CDH19: variants seen among roughly 807,000 people sequenced by gnomAD.
The protein encoded by CDH19 is cadherin-19.
CDH19 carries 67 observed loss-of-function variants against 64.2 expected under a neutral mutation model. That is an observed-to-expected ratio of 1.04 (90% CI 0.86 to 1.28). The LOEUF is 1.28. Ranked by LOEUF, CDH19 falls within the 50% of genes most tolerant of loss-of-function variation. The pLI, the probability that CDH19 is intolerant of heterozygous loss-of-function variation, is 0.00. For missense variants in CDH19, 1,030 were observed against 929.0 expected (o/e 1.11, Z -1.41); for synonymous variants, 346 against 319.3 (o/e 1.08, Z -0.89).
At position 66,539,519 on chromosome 18, in the gene CDH19, A is replaced by G. The variant is rs115813828; in HGVS notation, c.1215-4412T>C. 6.8e-3 allele frequency among the ~76,000 whole-genome samples: 1,038 copies of G among 152,168 alleles called. 11 individuals are homozygous for G. The highest frequency in any genetic ancestry group is 0.024 in the African/African-American group (983 of 41,546). On this transcript the variant is annotated intron_variant, in intron 7 of 11. Coordinates refer to ENST00000262150, the MANE Select transcript of CDH19 (RefSeq NM_021153.4). ...ATTGTCAAATGTTTTTTCTTTGTCT[A>G]TTGAGATGTTATATGGCTTTTCTTT...
At chr18:66,581,521 G>A (rs987359162) in intron 1 of CDH19, among the ~76,000 whole-genome samples, 1 of 152,104 alleles carries the variant, frequency 6.6e-6, no homozygotes, top group Admixed American at 6.6e-5. Context: ...TCCAGTCACA[G>A]CTGCCAGCAT....
rs1987447538 is a variant in CDH19, at chr18:66,554,477, T to C, written c.538A>G (p.Ser180Gly). Reference sequence around the variant, plus strand: ...TAGAGGAGACGAGCATTATTACCACTTGAGGGATCGTCAGCATCACTTGCT... The same window carrying C: ...TAGAGGAGACGAGCATTATTACCACCTGAGGGATCGTCAGCATCACTTGCT... Reference protein sequence around the residue: ...VTASDADDPSSGNNARLLYSL... With the variant: ...VTASDADDPSGGNNARLLYSL... Residue 180 changes from serine (S) to glycine (G), a missense_variant, in exon 4 of 12, where the codon AGT (serine) becomes GGT (glycine). By Grantham distance (56) the Ser-to-Gly change is moderately conservative. Transcript: ENST00000262150. 1 of 1,610,898 alleles carries C rather than the reference T, an allele frequency of 6.2e-7. No homozygotes were observed. Among genetic ancestry groups the C allele is most frequent in the African/African-American group, 1.3e-5 (1 of 74,860 alleles).
At position 66,524,564 on chromosome 18, in the gene CDH19, A is replaced by ATG; in HGVS notation, c.1458+5280_1458+5281insCA. On this transcript the variant is annotated intron_variant, in intron 9 of 11. Coordinates refer to ENST00000262150, the MANE Select transcript of CDH19 (RefSeq NM_021153.4). ...TGTGTATATATATATATATATATAT[A>ATG]TATATAAACATCATCATGCACCATA... 2.1e-5 allele frequency among the ~76,000 whole-genome samples: 3 copies of ATG among 142,946 alleles called. No individual in the cohort carries two copies. The South Asian group carries it at 7.0e-4, about 33-fold the overall frequency. The allele number at this position is 142,946 out of a possible 152,430, so 93.8% of individuals were successfully genotyped here. A position where few individuals can be genotyped will look rare whatever the true frequency, so the allele number is the denominator to read the frequency against.
intron 8 of CDH19, among the ~76,000 whole-genome samples, chr18:66,533,071 T>C (rs1018577559): frequency 7.9e-5 from 12 of 152,082 alleles, no homozygotes; most frequent in African/African-American, 2.7e-4. Flanking sequence ...AAAATTTTTC[T>C]CTCTGTTCTA....
At chr18:66,542,904 C>T (rs937770154) in intron 7 of CDH19, among the ~76,000 whole-genome samples, 1 of 152,176 alleles carries the variant, frequency 6.6e-6, no homozygotes, top group African/African-American at 2.4e-5. Flanking sequence ...TTCACCCCCC[C>T]GACCTTGGAA....
Position 66,572,073 on chromosome 18 carries a change from GCCACGC to G in CDH19, c.126_131del (p.Lys42_Gly44delinsAsn). ...GTACAAAAAATTGGTTCCACACCCA[GCCACGC>G]TTCACTCTCAAATGAGATCGCACTG... On this transcript the variant is annotated inframe_deletion, in exon 2 of 12. Transcript: ENST00000262150. 6.2e-7 allele frequency: 1 copy of G among 1,611,498 alleles called. No individual in the cohort carries two copies.
chr18:66,572,070 C>A lies in CDH19; in HGVS notation c.135G>T (p.Trp45Cys), dbSNP rs751534502. 6 of 1,611,286 alleles carry A rather than the reference C, an allele frequency of 3.7e-6. No homozygotes were observed. Among genetic ancestry groups the A allele is most frequent in the South Asian group, 1.1e-5 (1 of 90,958 alleles). ...CTGGTACAAAAAATTGGTTCCACAC[C>A]CAGCCACGCTTCACTCTCAAATGAG... ...VRSHLRVKRG[W>C]VWNQFFVPEE... is the part of the protein sequence containing the mutation. The change falls in exon 2 of 12, where the codon TGG becomes TGT. Residue 45 changes from tryptophan to cysteine, a missense_variant. By Grantham distance (215) the Trp-to-Cys change is radical (BLOSUM62 -2). Transcript: ENST00000262150.
chr18:66,561,859 G>C (rs1235657338), intron 3 of CDH19, among the ~76,000 whole-genome samples: 2 of 151,946 alleles, frequency 1.3e-5, no homozygotes, highest in African/African-American at 2.4e-5. Flanking sequence ...ATTATTGTGT[G>C]GACAGTTGAC....
chr18:66,509,271 A>G, intron 10 of CDH19, 25 bp from the exon 11 acceptor site: 1 of 1,606,214 alleles, frequency 6.2e-7, no homozygotes. Context: ...CATGTGCATA[A>G]TTTTTTCAAC....
intron 1 of CDH19, among the ~76,000 whole-genome samples, chr18:66,600,668 G>C (rs1442041066): frequency 6.6e-6 from 1 of 151,770 alleles, no homozygotes; most frequent in Non-Finnish European, 1.5e-5. Flanking sequence ...ACATGGTCTT[G>C]AAATTATCAA....
intron 10 of CDH19, among the ~76,000 whole-genome samples, chr18:66,510,104 A>G (rs1456729290): frequency 6.6e-6 from 1 of 151,716 alleles, no homozygotes; most frequent in African/African-American, 2.4e-5. Flanking sequence ...CTTTTTTACC[A>G]TCCCTCAAAA....
chr18:66,526,862 AT>A (rs1309356250), intron 9 of CDH19, among the ~76,000 whole-genome samples: 1 of 152,006 alleles, frequency 6.6e-6, no homozygotes, highest in Admixed American at 6.5e-5. Context: ...TGCTCAAAGT[AT>A]TACATCAACT....
chr18:66,521,321 G>A (rs1368398547), intron 9 of CDH19, among the ~76,000 whole-genome samples: 1 of 151,978 alleles, frequency 6.6e-6, no homozygotes, highest in Admixed American at 6.6e-5. Context: ...CAGAGTGCTT[G>A]GAAATTTCTT....
intron 1 of CDH19, among the ~76,000 whole-genome samples, chr18:66,572,645 T>A (rs1324681450): frequency 6.6e-6 from 1 of 151,652 alleles, no homozygotes; most frequent in African/African-American, 2.4e-5. Context: ...CTTTCTCCAT[T>A]CTTTCTCAGT....
At chr18:66,527,732 C>A (rs989859136) in intron 9 of CDH19, among the ~76,000 whole-genome samples, 22 of 149,656 alleles carry the variant, frequency 1.5e-4, no homozygotes, top group Non-Finnish European at 2.5e-4. Flanking sequence ...CCAGCCTGGG[C>A]AACGAGAGCA....
At chr18:66,530,050 T>C (rs1174598315) in intron 8 of CDH19, 84 bp from the exon 9 acceptor site, 2 of 588,834 alleles carry the variant, frequency 3.4e-6, no homozygotes, top group Non-Finnish European at 5.3e-6. Flanking sequence ...CATTAGAGGC[T>C]ACGTGGTGTA....
At chr18:66,570,652 G>GT (rs1206421798) in intron 2 of CDH19, among the ~76,000 whole-genome samples, 1 of 151,622 alleles carries the variant, frequency 6.6e-6, no homozygotes, top group Non-Finnish European at 1.5e-5. Context: ...TGATTCACTT[G>GT]TTTTTTAAGC....
chr18:66,545,168 T>C (rs1159217823), intron 5 of CDH19, among the ~76,000 whole-genome samples: 1 of 151,844 alleles, frequency 6.6e-6, no homozygotes, highest in Non-Finnish European at 1.5e-5. Flanking sequence ...TTAGTAGAGA[T>C]AGGGTTTCAC....
intron 5 of CDH19, among the ~76,000 whole-genome samples, chr18:66,545,757 G>T (rs1351868455): frequency 6.6e-6 from 1 of 152,092 alleles, no homozygotes; most frequent in African/African-American, 2.4e-5. Flanking sequence ...ACGATAGTTT[G>T]ATTTTGAGGG....
Sources: gnomAD v4.1 joint callset for allele counts (sites outside exome capture counted in the v4.1 genomes callset) on GRCh38, gnomAD v4.1.1 for gene constraint, MANE v1.5 for transcripts, NCBI Gene and HGNC (gene_info 2026-07-23, HGNC 2026-07-21) for gene names.